The following ADGRV1 variants were observed in gnomAD, a reference collection of about 807,000 sequenced individuals.
The protein encoded by ADGRV1 is G-protein coupled receptor 98.
A neutral mutation model predicts 596.2 loss-of-function variants in ADGRV1; 359 were observed. The observed-to-expected ratio is 0.60, with a 90% CI of 0.55 to 0.66. The LOEUF (loss-of-function observed/expected upper bound fraction) is 0.66. Ranked by LOEUF, ADGRV1 falls within the 30% of genes least tolerant of loss-of-function variation. The pLI, the probability that ADGRV1 is intolerant of heterozygous loss-of-function variation, is 0.00. For synonymous variants in ADGRV1, 2,681 were observed against 2,679.2 expected, an observed-to-expected ratio of 1.00 and a Z score of -0.02; for missense variants, 7,274 against 7,575.6, an observed-to-expected ratio of 0.96 and a Z score of 1.48.
intron 25 of ADGRV1, 53 bp downstream of exon 25, chr5:90,676,262 T>C: frequency 3.9e-6 from 6 of 1,531,522 alleles, no homozygotes; most frequent in Non-Finnish European, 5.3e-6. Flanking sequence ...CCCATGCTGA[T>C]GAAAGTAGAT....
chr5:90,935,492 C>T (rs758039223), intron 83 of ADGRV1, among the ~76,000 whole-genome samples: 3 of 152,114 alleles, frequency 2.0e-5, no homozygotes, highest in African/African-American at 2.4e-5. Flanking sequence ...CCTATTTGAT[C>T]ATGTTTTGCT....
intron 85 of ADGRV1, among the ~76,000 whole-genome samples, chr5:91,039,476 T>C (rs1785163165): frequency 6.6e-6 from 1 of 152,218 alleles, no homozygotes; most frequent in Non-Finnish European, 1.5e-5. Flanking sequence ...ACCAAAGCTC[T>C]GATTGTCCAA....
chr5:90,730,141 G>C (rs1207478490), intron 50 of ADGRV1, among the ~76,000 whole-genome samples: 1 of 152,164 alleles, frequency 6.6e-6, no homozygotes, highest in African/African-American at 2.4e-5. Context: ...ATAGGCGTGA[G>C]CCACCACGCC....
At chr5:90,637,402 A>T (rs1031771769) in intron 10 of ADGRV1, among the ~76,000 whole-genome samples, 1 of 152,146 alleles carries the variant, frequency 6.6e-6, no homozygotes, top group African/African-American at 2.4e-5. Context: ...CTTTAGCAAG[A>T]TTGCTGTATG....
intron 17 of ADGRV1, among the ~76,000 whole-genome samples, chr5:90,650,949 A>T (rs1400727854): frequency 6.6e-6 from 1 of 152,174 alleles, no homozygotes; most frequent in Non-Finnish European, 1.5e-5. Context: ...TGGAGTAAAG[A>T]TGAAGAGATA....
chr5:91,122,291 C>G (rs1793387462), intron 87 of ADGRV1, among the ~76,000 whole-genome samples: 1 of 152,136 alleles, frequency 6.6e-6, no homozygotes, highest in South Asian at 2.1e-4. Flanking sequence ...TGTTCTTGAA[C>G]AAGAATATAG....
At chr5:90,791,506 G>T in intron 70 of ADGRV1, 160 bp downstream of exon 70, 1 of 593,202 alleles carries the variant, frequency 1.7e-6, no homozygotes, top group Non-Finnish European at 3.0e-6. Context: ...TAATACATTT[G>T]CAGATTATAA....
chr5:90,659,716 T>C (rs1352387583), intron 21 of ADGRV1, among the ~76,000 whole-genome samples: 3 of 152,200 alleles, frequency 2.0e-5, no homozygotes, highest in African/African-American at 7.2e-5. Context: ...CTGGATTTTC[T>C]TTATACACTT....
At chr5:90,624,988 G>A (rs1216130132) in intron 5 of ADGRV1, 142 bp from the exon 6 acceptor site, 1 of 587,398 alleles carries the variant, frequency 1.7e-6, no homozygotes, top group Non-Finnish European at 3.1e-6. Context: ...TTAATTTGAA[G>A]GGCAGAATGA....
At chr5:91,126,802 C>A (rs1298428872) in intron 87 of ADGRV1, among the ~76,000 whole-genome samples, 1 of 152,072 alleles carries the variant, frequency 6.6e-6, no homozygotes, top group Non-Finnish European at 1.5e-5. Context: ...ATTTGTGGAC[C>A]ACTTCTGTAG....
chr5:91,025,044 G>T (rs1783913462), intron 85 of ADGRV1, among the ~76,000 whole-genome samples: 3 of 152,054 alleles, frequency 2.0e-5, no homozygotes, highest in Non-Finnish European at 4.4e-5. Flanking sequence ...ATTACCTATA[G>T]CAAGCTTCTC....
intron 83 of ADGRV1, among the ~76,000 whole-genome samples, chr5:90,938,520 G>A (rs1263985154): frequency 2.6e-5 from 4 of 152,176 alleles, no homozygotes; most frequent in African/African-American, 9.7e-5. Flanking sequence ...GTGAATACTT[G>A]TATGAAAGCT....
intron 59 of ADGRV1, among the ~76,000 whole-genome samples, chr5:90,764,054 G>T (rs1291795455): frequency 6.6e-6 from 1 of 152,154 alleles, no homozygotes; most frequent in Non-Finnish European, 1.5e-5. Flanking sequence ...AAGCGATCAT[G>T]TTGGAATGTA....
chr5:90,617,306 T>C (rs1385818196), intron 2 of ADGRV1: 1 of 152,056 alleles, frequency 6.6e-6, no homozygotes, highest in Non-Finnish European at 1.5e-5. Context: ...TAGAATCATT[T>C]CTTTTTTCCT....
intron 85 of ADGRV1, among the ~76,000 whole-genome samples, chr5:91,063,032 C>T (rs1402617501): frequency 7.1e-6 from 1 of 141,430 alleles, no homozygotes; most frequent in Non-Finnish European, 1.5e-5. Context: ...GATCTTGGCT[C>T]ACTGCAACCT....
Position 90,619,128 on chromosome 5 carries a change from A to C in ADGRV1, c.400A>C (p.Thr134Pro). The change falls in exon 4 of 90, where the codon ACT (threonine) becomes CCT (proline). Residue 134 changes from threonine (T) to proline (P), a missense_variant. Physicochemically the swap from Thr to Pro is conservative, Grantham distance 38. Around this residue, in one of 5 missense-constraint regions of ADGRV1, gnomAD observed 1,715 missense variants for 1,708.8 expected, o/e 1.00. Coordinates refer to ENST00000405460, the MANE Select transcript of ADGRV1 (RefSeq NM_032119.4). ...GAAGCTTGGATGGCCAAGGACTGTT[A>C]CTGTGACAATATTATCAAATGACAA... is the stretch of plus-strand genomic sequence containing the variant. ...NVKLGWPRTV[T>P]VTILSNDNAF... is the part of the protein sequence containing the mutation. 6.6e-7 allele frequency: 1 copy of C among 1,511,718 alleles called. No homozygotes were observed. The highest frequency in any genetic ancestry group is 8.9e-7 in the Non-Finnish European group (1 of 1,126,308). 93.6% of individuals were successfully genotyped at this position (1,511,718 alleles called of 1,614,324 possible).
intron 89 of ADGRV1, among the ~76,000 whole-genome samples, chr5:91,159,899 G>C (rs907863371): frequency 2.0e-5 from 3 of 152,184 alleles, no homozygotes; most frequent in African/African-American, 7.2e-5. Context: ...AACAAGGTGT[G>C]CCTTGAGTAC....
chr5:90,694,613 A>G lies in ADGRV1; in HGVS notation c.7857A>G (p.Gln2619=). Residue 2619 remains glutamine, a synonymous_variant, in exon 33 of 90, where the codon CAA becomes CAG. Transcript: ENST00000405460. ...ACAGGACAGGGGGCAGCTTAGGTCA[A>G]GTGGCAGTCGAATGGCGTGTTGTTG... is the stretch of plus-strand genomic sequence containing the variant. ...MIHRTGGSLG[Q]VAVEWRVVGG... The G allele has an allele frequency of 1.2e-6, 2 of 1,613,854 alleles. No individual in the cohort carries two copies. Among genetic ancestry groups the G allele is most frequent in the South Asian group, 2.2e-5 (2 of 91,082 alleles).
chr5:90,716,529 C>T lies in ADGRV1; in HGVS notation c.9247C>T (p.His3083Tyr). 1.9e-6 allele frequency: 3 copies of T among 1,611,844 alleles called. No individual in the cohort carries two copies. Among genetic ancestry groups the T allele is most frequent in the Non-Finnish European group, 2.5e-6 (3 of 1,178,588 alleles). ...PGVLSFNNSE[H>Y]FFLREPTALY... Reference sequence around the variant, plus strand: ...AGTTCTATCATTTAACAACAGTGAGCACTTTTTCCTAAGAGAGCCAACAGC... The same window carrying T: ...AGTTCTATCATTTAACAACAGTGAGTACTTTTTCCTAAGAGAGCCAACAGC... The change falls in exon 43 of 90, where the codon CAC becomes TAC. Residue 3083 changes from histidine to tyrosine, a missense_variant. This residue lies in a region of ADGRV1 where 3,643 missense variants were observed against 3,809.2 expected (regional missense o/e 0.96). Coordinates refer to ENST00000405460, the MANE Select transcript of ADGRV1 (RefSeq NM_032119.4).
Sources: gnomAD v4.1 joint callset for allele counts (sites outside exome capture counted in the v4.1 genomes callset) on GRCh38, gnomAD v4.1.1 for gene constraint, gnomAD v4.1.1 regional missense constraint, MANE v1.5 for transcripts, NCBI Gene and HGNC (gene_info 2026-07-23, HGNC 2026-07-21) for gene names.